PTK2: variants seen among roughly 807,000 people sequenced by gnomAD.
The protein encoded by PTK2 is focal adhesion kinase 1.
Under a neutral mutation model 150.1 loss-of-function variants are expected in PTK2, and 45 were observed. The observed-to-expected ratio is 0.30, with a 90% confidence interval of 0.24 to 0.38. The LOEUF (loss-of-function observed/expected upper bound fraction) is 0.38, where lower values mean the gene tolerates loss of function less well. Among genes scored for constraint, PTK2 ranks in the 10% least tolerant of loss-of-function variants. The pLI is 1.00. For missense variants in PTK2, 919 were observed against 1,307.3 expected (o/e 0.70, Z 4.58); for synonymous variants, 432 against 449.2 (o/e 0.96, Z 0.48).
intron 2 of PTK2, among the ~76,000 whole-genome samples, chr8:140,921,918 G>C (rs941223773): frequency 5.9e-5 from 9 of 152,184 alleles, no homozygotes; most frequent in Admixed American, 5.9e-4. Context: ...CACTTTAGCA[G>C]TAAGATAATT....
At chr8:140,707,464 G>A (rs2100034464) in intron 23 of PTK2, among the ~76,000 whole-genome samples, 1 of 152,224 alleles carries the variant, frequency 6.6e-6, no homozygotes, top group Non-Finnish European at 1.5e-5. Flanking sequence ...TGGAGTGCAA[G>A]GTATAATCCC....
intron 7 of PTK2, among the ~76,000 whole-genome samples, chr8:140,840,350 T>C (rs1269488498): frequency 6.6e-6 from 1 of 152,186 alleles, no homozygotes; most frequent in Non-Finnish European, 1.5e-5. Flanking sequence ...TGGCCCAATA[T>C]AGGATGTTTA....
chr8:140,677,928 C>G (rs2100014806), intron 27 of PTK2, among the ~76,000 whole-genome samples: 7 of 152,182 alleles, frequency 4.6e-5, no homozygotes, highest in Admixed American at 3.9e-4. Context: ...TGGAAGGAGA[C>G]AGGTAATAAA....
chr8:140,854,570 G>A (rs1184963868), intron 5 of PTK2, among the ~76,000 whole-genome samples: 1 of 151,934 alleles, frequency 6.6e-6, no homozygotes, highest in Admixed American at 6.5e-5. Flanking sequence ...ATAAATTCCT[G>A]CTCTATATAC....
At chr8:140,903,942 C>G (rs1486466415) in intron 2 of PTK2, among the ~76,000 whole-genome samples, 1 of 152,208 alleles carries the variant, frequency 6.6e-6, no homozygotes, top group Non-Finnish European at 1.5e-5. Flanking sequence ...CATCCACAAA[C>G]AGAGACAATT....
chr8:140,969,852 C>T, intron 1 of PTK2, among the ~76,000 whole-genome samples: 1 of 152,198 alleles, frequency 6.6e-6, no homozygotes. Context: ...CTATATTCAC[C>T]TGTGTGACAT....
chr8:140,819,063 T>A (rs946369902), intron 8 of PTK2, 43 bp from the exon 9 acceptor site: 2 of 1,600,422 alleles, frequency 1.2e-6, no homozygotes, highest in Admixed American at 3.4e-5. Context: ...AAATCAGCAA[T>A]GAGTAAAGAC....
At position 140,981,685 on chromosome 8, in the gene PTK2, A is replaced by C. The variant is rs562948081; in HGVS notation, c.-122+19440T>G. 1.2e-3 allele frequency among the ~76,000 whole-genome samples: 190 copies of C among 152,352 alleles called. No homozygotes were observed. In the Middle Eastern group the frequency reaches 0.014, roughly 11 times the overall value. ...TAGAAAATTCAGATTTCAGTGTCTA[A>C]AGTTTTACTAGACACAGCCAGCTCA... On this transcript the variant is annotated intron_variant, in intron 1 of 31. Coordinates refer to ENST00000522684, the Ensembl canonical transcript of PTK2.
intron 1 of PTK2, among the ~76,000 whole-genome samples, chr8:140,972,914 T>C (rs1471154471): frequency 1.3e-5 from 2 of 152,248 alleles, no homozygotes; most frequent in African/African-American, 4.8e-5. Context: ...TTTAAAAATC[T>C]AAAATTCTAA....
chr8:140,669,606 G>A (rs1002382843), intron 29 of PTK2, 121 bp downstream of exon 33: 2 of 1,128,598 alleles, frequency 1.8e-6, no homozygotes, highest in East Asian at 2.6e-5. Context: ...CATGAGAGGT[G>A]ACAAAGCAGG....
At chr8:140,964,220 A>G (rs779473000) in intron 1 of PTK2, among the ~76,000 whole-genome samples, 1 of 152,110 alleles carries the variant, frequency 6.6e-6, no homozygotes, top group Non-Finnish European at 1.5e-5. Flanking sequence ...ACTGAACTAT[A>G]ATCAATAATT....
At chr8:140,873,700 A>G (rs28471038) in intron 4 of PTK2, among the ~76,000 whole-genome samples, 3,354 of 152,194 alleles carry the variant, frequency 0.022, 134 homozygotes, top group African/African-American at 0.078. Context: ...TCTTGACCTC[A>G]GGTGATTCGC....
At chr8:140,717,002 G>A (rs2100040037) in intron 23 of PTK2, among the ~76,000 whole-genome samples, 1 of 152,168 alleles carries the variant, frequency 6.6e-6, no homozygotes, top group East Asian at 1.9e-4. Flanking sequence ...CTCCGAGGCA[G>A]GAGAGGGCAC....
In PTK2 at chr8:140,809,887, G is replaced by A. The variant is rs541819058; in HGVS notation, c.868-6237C>T. On this transcript the variant is annotated intron_variant, in intron 10 of 31. Transcript: ENST00000522684. The stretch of plus-strand genomic sequence containing the variant: ...AGGCATCATGTTGTTACGTAGATCA[G>A]TTCTACCTAGTCTTTAAACAACATG... 7.9e-5 allele frequency among the ~76,000 whole-genome samples: 12 copies of A among 152,342 alleles called. No individual in the cohort carries two copies. The East Asian group carries it at 2.3e-3, about 29-fold the overall frequency.
intron 1 of PTK2, among the ~76,000 whole-genome samples, chr8:140,951,355 C>A (rs929601380): frequency 6.6e-6 from 1 of 152,154 alleles, no homozygotes; most frequent in East Asian, 1.9e-4. Flanking sequence ...AATGGCCCAA[C>A]GGACTTACGA....
chr8:140,789,059 T>C (rs1336773503), intron 14 of PTK2, among the ~76,000 whole-genome samples: 1 of 152,180 alleles, frequency 6.6e-6, no homozygotes, highest in African/African-American at 2.4e-5. Context: ...TAAAAAGCAA[T>C]ACTCAAACAC....
Position 140,697,646 on chromosome 8 carries a change from A to G in PTK2, c.2499+3245T>C, listed in dbSNP as rs990387907. Among the ~76,000 whole-genome samples, 5 of 151,588 alleles carry G rather than the reference A, an allele frequency of 3.3e-5. No homozygotes were observed. In the East Asian group the frequency reaches 9.7e-4, roughly 29 times the overall value. Reference sequence around the variant, plus strand: ...ACCATGTTGGCCAGGCCGGTCTCGAACTCCTGACCTCTGCCTCTCAAAGTG... The same window carrying G: ...ACCATGTTGGCCAGGCCGGTCTCGAGCTCCTGACCTCTGCCTCTCAAAGTG... On this transcript the variant is annotated intron_variant, in intron 26 of 31. Coordinates refer to ENST00000522684, the Ensembl canonical transcript of PTK2.
chr8:140,894,063 G>T (rs2100155131), intron 2 of PTK2, among the ~76,000 whole-genome samples: 1 of 152,178 alleles, frequency 6.6e-6, no homozygotes, highest in African/African-American at 2.4e-5. Context: ...TTCATAAGTT[G>T]ATACCATACT....
rs1004080517 is a variant in PTK2 at position 140,888,183 on chromosome 8, A to G, written c.195+2360T>C. ...GTTTCTTCCATTTTTCTCTTTCCTG[A>G]CAATACTCTGTATCCATAATGTTCC... is the stretch of plus-strand genomic sequence containing the variant. On this transcript the variant is annotated intron_variant, in intron 3 of 31. Coordinates refer to ENST00000522684, the Ensembl canonical transcript of PTK2. Among the ~76,000 whole-genome samples, 72 of 152,134 alleles carry G rather than the reference A, an allele frequency of 4.7e-4. 2 individuals are homozygous for G. The highest frequency in any genetic ancestry group is 4.7e-3 in the Admixed American group (72 of 15,278).
Sources: gnomAD v4.1 joint callset for allele counts (sites outside exome capture counted in the v4.1 genomes callset) on GRCh38, gnomAD v4.1.1 for gene constraint, MANE v1.5 for transcripts, NCBI Gene and HGNC (gene_info 2026-07-23, HGNC 2026-07-21) for gene names.